Variants in DCC observed in about 807,000 individuals in gnomAD.
DCC encodes DCC netrin 1 receptor, also known as netrin receptor DCC.
A neutral mutation model predicts 172.5 loss-of-function variants in DCC; 58 were observed. The observed-to-expected ratio is 0.34, with a 90% CI of 0.27 to 0.42. The LOEUF is 0.42. DCC is among the 10% of genes least tolerant of loss of function. The pLI, the probability that DCC is intolerant of heterozygous loss-of-function variation, is 1.00. For missense variants in DCC, 1,740 were observed against 1,791.0 expected (o/e 0.97, Z 0.51); for synonymous variants, 709 against 644.5 (o/e 1.10, Z -1.52).
intron 2 of DCC, among the ~76,000 whole-genome samples, chr18:52,901,341 G>A (rs2039805787): frequency 6.6e-6 from 1 of 152,068 alleles, no homozygotes; most frequent in East Asian, 1.9e-4. Flanking sequence ...ACTGAGGTAG[G>A]AGAATCGCTT....
chr18:53,515,999 C>T (rs1178118200), intron 27 of DCC, among the ~76,000 whole-genome samples: 1 of 148,932 alleles, frequency 6.7e-6, no homozygotes, highest in East Asian at 2.0e-4. Flanking sequence ...CGAGTCAATC[C>T]TAAGCCAAAA....
chr18:52,415,930 G>C (rs1987009112), intron 1 of DCC, among the ~76,000 whole-genome samples: 1 of 151,984 alleles, frequency 6.6e-6, no homozygotes, highest in Non-Finnish European at 1.5e-5. Flanking sequence ...GAATATGTTT[G>C]CTCTTGCTTT....
chr18:53,029,441 A>T (rs994476215), intron 5 of DCC, among the ~76,000 whole-genome samples: 4 of 152,174 alleles, frequency 2.6e-5, no homozygotes, highest in African/African-American at 9.6e-5. Context: ...TTTCCAAGGT[A>T]CATTTAGGGT....
chr18:52,906,472 C>T (rs1057209255), intron 3 of DCC, 144 bp downstream of exon 3: 6 of 911,604 alleles, frequency 6.6e-6, no homozygotes, highest in East Asian at 2.7e-5. Flanking sequence ...TCTTCCTTGC[C>T]GAAGCATTCA....
At chr18:52,588,243 A>G (rs1385096746) in intron 1 of DCC, among the ~76,000 whole-genome samples, 1 of 152,194 alleles carries the variant, frequency 6.6e-6, no homozygotes, top group African/African-American at 2.4e-5. Context: ...AAAGGCTCCA[A>G]ACAGAATTCC....
chr18:53,509,645 CT>C (rs2144522572), intron 27 of DCC, among the ~76,000 whole-genome samples: 1 of 152,236 alleles, frequency 6.6e-6, no homozygotes, highest in Non-Finnish European at 1.5e-5. Flanking sequence ...GGATATTTCT[CT>C]GTGGGTGTGC....
chr18:53,318,168 G>A (rs2057364786), intron 13 of DCC, among the ~76,000 whole-genome samples: 1 of 152,058 alleles, frequency 6.6e-6, no homozygotes, highest in Non-Finnish European at 1.5e-5. Flanking sequence ...CCCAGAGATT[G>A]TAGTATGTTG....
intron 12 of DCC, among the ~76,000 whole-genome samples, chr18:53,289,553 G>C (rs914162980): frequency 6.6e-6 from 1 of 152,094 alleles, no homozygotes; most frequent in South Asian, 2.1e-4. Flanking sequence ...AGTTGAATAT[G>C]CCTGTTTCAG....
intron 2 of DCC, among the ~76,000 whole-genome samples, chr18:52,885,023 T>A (rs1460248093): frequency 6.6e-6 from 1 of 152,170 alleles, no homozygotes; most frequent in Non-Finnish European, 1.5e-5. Flanking sequence ...TTTCTCTTTC[T>A]GTGCAGAGTC....
At chr18:52,353,244 G>A (rs1984206272) in intron 1 of DCC, among the ~76,000 whole-genome samples, 1 of 150,494 alleles carries the variant, frequency 6.6e-6, no homozygotes, top group Admixed American at 6.6e-5. Flanking sequence ...CTCTTTGTGT[G>A]TTCCATCTGC....
At chr18:52,774,886 A>G (rs972202616) in intron 2 of DCC, among the ~76,000 whole-genome samples, 1 of 152,228 alleles carries the variant, frequency 6.6e-6, no homozygotes, top group African/African-American at 2.4e-5. Flanking sequence ...CACTTTACTT[A>G]GTAACATTGC....
At chr18:53,514,851 G>A (rs944884699) in intron 27 of DCC, among the ~76,000 whole-genome samples, 11 of 151,928 alleles carry the variant, frequency 7.2e-5, no homozygotes, top group African/African-American at 2.7e-4. Flanking sequence ...TGGATTCACA[G>A]CCGAATTCTA....
chr18:53,368,789 G>A (rs2058031154), intron 15 of DCC, among the ~76,000 whole-genome samples: 1 of 151,900 alleles, frequency 6.6e-6, no homozygotes, highest in Admixed American at 6.6e-5. Context: ...ATTCTATTCT[G>A]TTGATTTATA....
chr18:53,517,919 G>A (rs774291163), intron 27 of DCC, among the ~76,000 whole-genome samples: 17 of 152,118 alleles, frequency 1.1e-4, no homozygotes, highest in Admixed American at 3.9e-4. Flanking sequence ...GAGTAAATGC[G>A]GCTACTCTCT....
At chr18:52,859,959 TAAATAC>T (rs2039114044) in intron 2 of DCC, among the ~76,000 whole-genome samples, 2 of 152,152 alleles carry the variant, frequency 1.3e-5, no homozygotes, top group African/African-American at 2.4e-5. Context: ...AATAAATAAA[TAAATAC>T]ATTATTCCAT....
rs370274597 is a variant in DCC at position 52,927,166 on chromosome 18, T to C, written c.985+1796T>C. On this transcript the variant is annotated intron_variant, in intron 5 of 28. Coordinates refer to ENST00000442544, the MANE Select transcript of DCC (RefSeq NM_005215.4). ...ATATATGTGTATATATACGTATATA[T>C]GTGTATATATGTGTATATATACGTA... Among the ~76,000 whole-genome samples the C allele has an allele frequency of 3.9e-4, 27 of 69,894 alleles. 1 individual carries two copies. The highest frequency in any genetic ancestry group is 6.0e-4 in the African/African-American group (12 of 19,860). 45.9% of individuals were successfully genotyped at this position (69,894 alleles called of 152,430 possible).
chr18:53,441,954 G>A (rs1244052297), intron 22 of DCC, among the ~76,000 whole-genome samples: 7 of 152,112 alleles, frequency 4.6e-5, no homozygotes, highest in Admixed American at 4.6e-4. Flanking sequence ...CCTTTTGCTG[G>A]CTGTGTTCCA....
intron 1 of DCC, among the ~76,000 whole-genome samples, chr18:52,533,192 G>C (rs762296129): frequency 6.6e-6 from 1 of 152,086 alleles, no homozygotes; most frequent in Admixed American, 6.6e-5. Context: ...TTATAACCAG[G>C]ATATCGACAT....
At chr18:53,107,848 T>C (rs995876141) in intron 7 of DCC, among the ~76,000 whole-genome samples, 1 of 151,890 alleles carries the variant, frequency 6.6e-6, no homozygotes, top group African/African-American at 2.4e-5. Flanking sequence ...GTGCTTTATT[T>C]AAGCTCAAAA....
Sources: allele counts gnomAD v4.1 joint callset (sites outside exome capture counted in the v4.1 genomes callset), GRCh38; gene constraint gnomAD v4.1.1; transcripts MANE v1.5; gene names NCBI Gene and HGNC (gene_info 2026-07-23, HGNC 2026-07-21).